The following TMEM184A variants were observed in gnomAD, a reference collection of about 807,000 sequenced individuals.
TMEM184A encodes the protein sexually dimorphic, expressed in male gonads 1.
Under a neutral mutation model 39.5 loss-of-function variants are expected in TMEM184A, and 40 were observed. That is an observed-to-expected ratio of 1.01 (90% confidence interval 0.79 to 1.32). TMEM184A has a LOEUF of 1.32. Among genes scored for constraint, TMEM184A ranks in the 40% most tolerant of loss-of-function variants. The pLI is 0.00. For synonymous variants in TMEM184A, 280 were observed against 252.3 expected (o/e 1.11, Z -1.04); for missense variants, 603 against 568.8 (o/e 1.06, Z -0.61).
rs1447266346 is a variant in TMEM184A at position 1,546,868 on chromosome 7, AGGAGTTGGTG to A, written c.*74_*83del. The A allele has an allele frequency of 4.0e-5, 37 of 925,226 alleles. No individual in the cohort carries two copies. The highest frequency in any genetic ancestry group is 5.6e-5 in the Non-Finnish European group (36 of 638,158). The allele number at this position is 925,226 out of a possible 1,614,324, so 57.3% of individuals were successfully genotyped here. On this transcript the variant is annotated 3_prime_UTR_variant, in exon 9 of 9. Coordinates refer to ENST00000297477, the MANE Select transcript of TMEM184A (RefSeq NM_001097620.2). The stretch of plus-strand genomic sequence containing the variant: ...TCTCAGGAGAGGCCCCACCTTTGGC[AGGAGTTGGTG>A]GGTGGGGGGACCCTGTTCTTCCCCA...
intron 6 of TMEM184A, 166 bp from the exon 7 acceptor site, chr7:1,548,854 G>A (rs1205820688): frequency 1.2e-6 from 1 of 868,388 alleles, no homozygotes; most frequent in East Asian, 2.7e-5. Flanking sequence ...GGGCCTGCAG[G>A]AGAGCGTGGG....
chr7:1,548,136 G>C (rs897259653), intron 7 of TMEM184A, among the ~76,000 whole-genome samples, 197 bp from the exon 8 acceptor site: 8 of 152,156 alleles, frequency 5.3e-5, no homozygotes, highest in African/African-American at 1.9e-4. Context: ...GTGCTCAGGA[G>C]CTCTCCCGGG....
chr7:1,555,222 G>T lies in TMEM184A; in HGVS notation c.219+44C>A. The T allele has an allele frequency of 3.9e-6, 6 of 1,519,498 alleles. No homozygotes were observed. The highest frequency in any genetic ancestry group is 5.3e-6 in the Non-Finnish European group (6 of 1,123,322). 94.1% of individuals were successfully genotyped at this position (1,519,498 alleles called of 1,614,324 possible). A position where few individuals can be genotyped will look rare whatever the true frequency, so the allele number is the denominator to read the frequency against. On this transcript the variant is annotated intron_variant, in intron 2 of 8. Coordinates refer to ENST00000297477, the MANE Select transcript of TMEM184A (RefSeq NM_001097620.2). This position sits in a 1 kb window ranked among gnomAD's most constrained non-coding sequence, Gnocchi z 5.2. Reference sequence around the variant, plus strand: ...GGGCTGAGCCACGGCCACGTCCTGTGGAGACCAAGGTCCTGAAGGAGGCTC... The same window carrying T: ...GGGCTGAGCCACGGCCACGTCCTGTTGAGACCAAGGTCCTGAAGGAGGCTC...
In TMEM184A at chr7:1,549,973, G is replaced by A. The variant is rs199859023; in HGVS notation, c.553-28C>T. 3.9e-4 allele frequency: 622 copies of A among 1,610,856 alleles called. 2 individuals are homozygous for A. The African/African-American group carries it at 5.8e-3, about 15-fold the overall frequency. ...GGGGGCGACGGCACCCGGTGGGCCT[G>A]GGGCCAGGTCCCCCAGGGGCCCAGG... On this transcript the variant is annotated intron_variant, in intron 5 of 8. Coordinates refer to ENST00000297477, the MANE Select transcript of TMEM184A (RefSeq NM_001097620.2).
chr7:1,551,894 G>A (rs368271778), intron 2 of TMEM184A, among the ~76,000 whole-genome samples: 9 of 151,680 alleles, frequency 5.9e-5, no homozygotes, highest in East Asian at 3.9e-4. Context: ...CCAAGATTGC[G>A]CCACTGCACT....
Position 1,547,161 on chromosome 7 carries a change from T to A in TMEM184A, c.1033A>T (p.Ser345Cys). Residue 345 changes from serine to cysteine, a missense_variant, in exon 9 of 9, where the codon AGC (serine) becomes TGC (cysteine). Physicochemically the swap from Ser to Cys is moderately radical, Grantham distance 112. Transcript: ENST00000297477. ...NSPAPPAPMQSISSGIRETVS... is the reference protein window; with the variant it reads ...NSPAPPAPMQCISSGIRETVS... ...GTCTCCCTGATGCCGCTGGAGATGC[T>A]CTGCATGGGTGCCGGGGGGGCTGGG... 6.2e-7 allele frequency: 1 copy of A among 1,605,142 alleles called. No homozygotes were observed. Among genetic ancestry groups the A allele is most frequent in the Non-Finnish European group, 8.5e-7 (1 of 1,178,472 alleles).
chr7:1,548,000 C>A, intron 7 of TMEM184A, 61 bp from the exon 8 acceptor site: 1 of 1,510,342 alleles, frequency 6.6e-7, no homozygotes, highest in South Asian at 1.2e-5. Context: ...GAGGAAGAGG[C>A]CCCAGACCCC....
rs1032390121 is a variant in TMEM184A, at chr7:1,544,649, G to C, written c.*2303C>G. ...CACGCAGAGCGGGCTCGGCCCTCAGGGCTTTCCTTCGAGTCGTGTTGGAAA... is the reference window on the plus strand; with the variant it reads ...CACGCAGAGCGGGCTCGGCCCTCAGCGCTTTCCTTCGAGTCGTGTTGGAAA... On this transcript the variant is annotated 3_prime_UTR_variant, in exon 9 of 9. Transcript: ENST00000297477. The C allele has an allele frequency of 1.3e-5, 2 of 152,292 alleles. No homozygotes were observed. Among genetic ancestry groups the C allele is most frequent in the Non-Finnish European group, 2.9e-5 (2 of 68,060 alleles). The allele number at this position is 152,292 out of a possible 1,614,324, so 9.4% of individuals were successfully genotyped here.
chr7:1,547,319 C>T (rs1223738304), intron 8 of TMEM184A, 138 bp from the exon 9 acceptor site: 4 of 624,254 alleles, frequency 6.4e-6, no homozygotes, highest in Non-Finnish European at 8.4e-6. Flanking sequence ...GGCCCCAGAC[C>T]CCTGGACCCC....
intron 6 of TMEM184A, chr7:1,549,021 T>C: frequency 1.9e-6 from 1 of 530,782 alleles, no homozygotes; most frequent in South Asian, 1.5e-5. Flanking sequence ...CCCGTCCACC[T>C]GGCCACTGCC....
chr7:1,547,521 G>C (rs959537873), intron 8 of TMEM184A, among the ~76,000 whole-genome samples: 11 of 152,166 alleles, frequency 7.2e-5, no homozygotes, highest in African/African-American at 2.7e-4. Context: ...CCCTAATAGG[G>C]GGTGTGCCTG....
chr7:1,549,597 C>A, intron 6 of TMEM184A: 1 of 597,524 alleles, frequency 1.7e-6, no homozygotes, highest in Non-Finnish European at 3.2e-6. Flanking sequence ...TTGGCAGGCA[C>A]CGAGGTCCTT....
intron 6 of TMEM184A, chr7:1,549,550 A>G (rs1320945219): frequency 3.8e-6 from 2 of 525,390 alleles, no homozygotes; most frequent in Admixed American, 2.3e-5. Flanking sequence ...GACTCACCCC[A>G]GCCGTGTCCT....
chr7:1,549,915 C>T lies in TMEM184A; in HGVS notation c.583G>A (p.Val195Ile), dbSNP rs923567693. Residue 195 changes from valine (V) to isoleucine (I), a missense_variant, in exon 6 of 9, where the codon GTC (valine) becomes ATC (isoleucine). Coordinates refer to ENST00000297477, the MANE Select transcript of TMEM184A (RefSeq NM_001097620.2). ...ATLQFCLVKP[V>I]MAVTTIILQA... ...AGGATGATGGTGGTGACGGCCATGACGGGCTTCACCAGGCAGAACTGCAGA... is the reference window on the plus strand; with the variant it reads ...AGGATGATGGTGGTGACGGCCATGATGGGCTTCACCAGGCAGAACTGCAGA... 9 of 1,612,602 alleles carry T rather than the reference C, an allele frequency of 5.6e-6. No individual in the cohort carries two copies. Among genetic ancestry groups the T allele is most frequent in the Admixed American group, 3.3e-5 (2 of 59,860 alleles).
In TMEM184A at chr7:1,550,346, G is replaced by C. The variant is rs201102985; in HGVS notation, c.435C>G (p.Gly145=). ...FLSLCFQYLG[G]EGAIMAEIRG... ...GAATCTCAGCCATGATGGCGCCCTC[G>C]CCTCCCAGGTACTGGAAACACAGGC... The change falls in exon 4 of 9, where the codon GGC becomes GGG. Residue 145 remains glycine (G), a synonymous_variant. Transcript: ENST00000297477. 1.2e-6 allele frequency: 2 copies of C among 1,613,018 alleles called. No homozygotes were observed. Among genetic ancestry groups the C allele is most frequent in the South Asian group, 2.2e-5 (2 of 91,052 alleles).
chr7:1,551,807 C>T (rs911062882), intron 2 of TMEM184A, among the ~76,000 whole-genome samples: 3 of 151,862 alleles, frequency 2.0e-5, no homozygotes, highest in Admixed American at 6.6e-5. Flanking sequence ...CATGGTGGCG[C>T]GCGCCTGTAA....
intron 2 of TMEM184A, among the ~76,000 whole-genome samples, chr7:1,553,387 G>A (rs915614009): frequency 3.3e-5 from 5 of 152,058 alleles, no homozygotes; most frequent in South Asian, 4.1e-4. Context: ...TCTTGACCTC[G>A]GGTGATCCAC....
Position 1,544,302 on chromosome 7 carries a change from A to T in TMEM184A, c.*2650T>A, listed in dbSNP as rs1196393546. The stretch of plus-strand genomic sequence containing the variant: ...CGCCCCGCCCGGCCATGCAGCCTGC[A>T]CCCGGGCCAGGCCAGGGCCCCCAGG... On this transcript the variant is annotated 3_prime_UTR_variant, in exon 9 of 9. Coordinates refer to ENST00000297477, the MANE Select transcript of TMEM184A (RefSeq NM_001097620.2). The T allele has an allele frequency of 1.3e-5, 2 of 152,304 alleles. No homozygotes were observed. The highest frequency in any genetic ancestry group is 4.8e-5 in the African/African-American group (2 of 41,454). 9.4% of individuals were successfully genotyped at this position (152,304 alleles called of 1,614,324 possible). A position where few individuals can be genotyped will look rare whatever the true frequency, so the allele number is the denominator to read the frequency against.
chr7:1,553,204 G>A (rs1784674003), intron 2 of TMEM184A, among the ~76,000 whole-genome samples: 1 of 151,854 alleles, frequency 6.6e-6, no homozygotes, highest in South Asian at 2.1e-4. Flanking sequence ...CCAGGCTGGG[G>A]TGCAGTGGCG....
Sources: allele counts gnomAD v4.1 joint callset (sites outside exome capture counted in the v4.1 genomes callset), GRCh38; gene constraint gnomAD v4.1.1; non-coding constraint Gnocchi (gnomAD v3.1); transcripts MANE v1.5; gene names NCBI Gene and HGNC (gene_info 2026-07-23, HGNC 2026-07-21).